The following FAM135B variants were observed in gnomAD, a reference collection of about 807,000 sequenced individuals.
FAM135B encodes the protein family with sequence similarity 135 member B, also known as protein FAM135B.
Under a neutral mutation model 127.7 loss-of-function variants are expected in FAM135B, and 43 were observed. The ratio of observed to expected loss-of-function variants is 0.34; its 90% CI spans 0.26 to 0.43. The LOEUF (loss-of-function observed/expected upper bound fraction) is 0.43, where lower values mean the gene tolerates loss of function less well. Among genes scored for constraint, FAM135B ranks in the 20% least tolerant of loss-of-function variants. FAM135B has a pLI of 1.00. For missense variants in FAM135B, 1,558 were observed against 1,725.6 expected, an observed-to-expected ratio of 0.90 and a Z score of 1.72; for synonymous variants, 670 against 665.1, an observed-to-expected ratio of 1.01 and a Z score of -0.11.
At chr8:138,437,390 C>G (rs528403960) in intron 1 of FAM135B, 1 of 152,184 alleles carries the variant, frequency 6.6e-6, no homozygotes, top group Admixed American at 6.5e-5. Context: ...TCATGCTGTT[C>G]TTGTGGTAAT....
At chr8:138,424,274 T>C (rs983392179) in intron 1 of FAM135B, among the ~76,000 whole-genome samples, 22 of 152,196 alleles carry the variant, frequency 1.4e-4, no homozygotes, top group African/African-American at 4.1e-4. Context: ...TGTTCAGAGA[T>C]TGCAGTAAAG....
intron 12 of FAM135B, among the ~76,000 whole-genome samples, chr8:138,157,594 C>T (rs183563966): frequency 6.7e-6 from 1 of 149,072 alleles, no homozygotes; most frequent in Admixed American, 6.7e-5. Context: ...GCACCTTCAG[C>T]AAAGTCTCAG....
At chr8:138,375,046 T>A (rs1363780647) in intron 1 of FAM135B, among the ~76,000 whole-genome samples, 1 of 151,990 alleles carries the variant, frequency 6.6e-6, no homozygotes, top group African/African-American at 2.4e-5. Context: ...CACTCAGACC[T>A]CCTAATCAGG....
At chr8:138,446,734 C>T (rs1836184604) in intron 1 of FAM135B, among the ~76,000 whole-genome samples, 1 of 151,896 alleles carries the variant, frequency 6.6e-6, no homozygotes, top group African/African-American at 2.4e-5. Flanking sequence ...CCATTCAGGA[C>T]ACAGGCATGG....
chr8:138,204,888 G>A (rs999187703), intron 7 of FAM135B, among the ~76,000 whole-genome samples: 5 of 152,092 alleles, frequency 3.3e-5, no homozygotes, highest in Non-Finnish European at 5.9e-5. Flanking sequence ...ATGGAAGAAT[G>A]CATAAATGGA....
chr8:138,457,551 A>G (rs1039545329), intron 1 of FAM135B, among the ~76,000 whole-genome samples: 1 of 152,128 alleles, frequency 6.6e-6, no homozygotes, highest in African/African-American at 2.4e-5. Context: ...GTGACTCTCC[A>G]TCAGTCACAG....
chr8:138,198,906 C>T (rs930627784), intron 7 of FAM135B, among the ~76,000 whole-genome samples: 4 of 152,172 alleles, frequency 2.6e-5, no homozygotes, highest in Non-Finnish European at 2.9e-5. Context: ...GTAGTATGCT[C>T]GTGCCCATCT....
At chr8:138,294,051 G>A (rs945546002) in intron 3 of FAM135B, among the ~76,000 whole-genome samples, 3 of 152,116 alleles carry the variant, frequency 2.0e-5, no homozygotes, top group Non-Finnish European at 4.4e-5. Context: ...CCACACCATG[G>A]AATACTACTC....
At chr8:138,403,947 T>A (rs1302472767) in intron 1 of FAM135B, among the ~76,000 whole-genome samples, 3 of 152,134 alleles carry the variant, frequency 2.0e-5, no homozygotes, top group Admixed American at 6.6e-5. Context: ...TGGATAAACA[T>A]CCTAACATGA....
At chr8:138,282,832 A>AT (rs1278201413) in intron 3 of FAM135B, among the ~76,000 whole-genome samples, 78 of 152,328 alleles carry the variant, frequency 5.1e-4, no homozygotes, top group African/African-American at 1.6e-3. Context: ...ACTCCTTGGC[A>AT]TTTACCCAAA....
chr8:138,184,796 G>T (rs564110763), intron 9 of FAM135B, among the ~76,000 whole-genome samples: 1 of 152,210 alleles, frequency 6.6e-6, no homozygotes, highest in African/African-American at 2.4e-5. Flanking sequence ...TATTCAAACC[G>T]CCATACACGA....
At chr8:138,391,510 T>C (rs1832575826) in intron 1 of FAM135B, among the ~76,000 whole-genome samples, 1 of 152,126 alleles carries the variant, frequency 6.6e-6, no homozygotes, top group Non-Finnish European at 1.5e-5. Flanking sequence ...GCAGGGTTTT[T>C]CTGGCCTTGA....
At chr8:138,414,899 G>A (rs955117607) in intron 1 of FAM135B, among the ~76,000 whole-genome samples, 1 of 152,076 alleles carries the variant, frequency 6.6e-6, no homozygotes, top group African/African-American at 2.4e-5. Context: ...TCCCTCATTC[G>A]AATTTGGGCA....
intron 2 of FAM135B, among the ~76,000 whole-genome samples, chr8:138,338,754 T>G (rs1295497971): frequency 6.6e-6 from 1 of 152,142 alleles, no homozygotes; most frequent in African/African-American, 2.4e-5. Context: ...GCCATCCCAC[T>G]ACTGGGTATA....
intron 11 of FAM135B, 119 bp downstream of exon 11, chr8:138,177,228 G>A: frequency 1.2e-6 from 1 of 867,982 alleles, no homozygotes; most frequent in Non-Finnish European, 1.8e-6. Flanking sequence ...CAGACAGAAA[G>A]TGCAGAGGTG....
chr8:138,218,605 G>T (rs1173049748), intron 7 of FAM135B, among the ~76,000 whole-genome samples: 1 of 152,094 alleles, frequency 6.6e-6, no homozygotes, highest in Non-Finnish European at 1.5e-5. Context: ...GATGATGTTT[G>T]CAAAAACTGA....
intron 7 of FAM135B, among the ~76,000 whole-genome samples, chr8:138,240,288 G>A (rs1034052452): frequency 2.6e-5 from 4 of 152,170 alleles, no homozygotes; most frequent in Non-Finnish European, 2.9e-5. Context: ...ATTTGGCTGG[G>A]CCGTGCTCAG....
chr8:138,293,287 T>C (rs1205267380), intron 3 of FAM135B, among the ~76,000 whole-genome samples: 1 of 152,010 alleles, frequency 6.6e-6, no homozygotes, highest in Non-Finnish European at 1.5e-5. Flanking sequence ...AGTCCTGAAA[T>C]CAGAACAATT....
At chr8:138,375,450 A>G (rs1227771415) in intron 1 of FAM135B, among the ~76,000 whole-genome samples, 6 of 152,086 alleles carry the variant, frequency 3.9e-5, no homozygotes, top group Admixed American at 6.6e-5. Flanking sequence ...CAGGATCCAG[A>G]TATCAATGTT....
Sources: allele counts gnomAD v4.1 joint callset (sites outside exome capture counted in the v4.1 genomes callset), GRCh38; gene constraint gnomAD v4.1.1; transcripts MANE v1.5; gene names NCBI Gene and HGNC (gene_info 2026-07-23, HGNC 2026-07-21).